Variants in CACNA2D1 observed in about 807,000 individuals in gnomAD.
CACNA2D1 encodes calcium voltage-gated channel auxiliary subunit alpha2delta 1.
A neutral mutation model predicts 171.5 loss-of-function variants in CACNA2D1; 53 were observed. The ratio of observed to expected loss-of-function variants is 0.31; its 90% CI spans 0.25 to 0.39. The LOEUF is 0.39. Ranked by LOEUF, CACNA2D1 falls within the 10% of genes least tolerant of loss-of-function variation. CACNA2D1 has a pLI of 1.00. For synonymous variants in CACNA2D1, 442 were observed against 443.1 expected (o/e 1.00, Z 0.03); for missense variants, 903 against 1,299.8 (o/e 0.69, Z 4.69).
At chr7:82,429,489 T>G (rs555912020) in intron 1 of CACNA2D1, among the ~76,000 whole-genome samples, 12 of 152,254 alleles carry the variant, frequency 7.9e-5, no homozygotes, top group African/African-American at 2.6e-4. Context: ...GCCAATTTAC[T>G]TCACATGTGG....
chr7:82,185,470 AGG>A (rs1190587135), intron 3 of CACNA2D1, among the ~76,000 whole-genome samples: 2 of 51,908 alleles, frequency 3.9e-5, no homozygotes, highest in African/African-American at 1.3e-4. Flanking sequence ...CAAAAAAGAG[AGG>A]GGGGGAGGGG....
intron 3 of CACNA2D1, among the ~76,000 whole-genome samples, chr7:82,308,651 C>T (rs1283360159): frequency 6.6e-6 from 1 of 152,218 alleles, no homozygotes; most frequent in Non-Finnish European, 1.5e-5. Context: ...GAATCTCCCT[C>T]TCTACACCAA....
Position 82,038,167 on chromosome 7 carries a change from T to C in CACNA2D1, c.948A>G (p.Lys316=), listed in dbSNP as rs1803534131. Reference sequence around the variant, plus strand: ...TATTATTCACCGCGTCTTTCAACACTTTTTTATTTCTTACATTTGCTTGGA... The same window carrying C: ...TATTATTCACCGCGTCTTTCAACACCTTTTTATTTCTTACATTTGCTTGGA... ...HLVQANVRNK[K]VLKDAVNNIT... Residue 316 remains lysine, a synonymous_variant, in exon 11 of 39, where the codon AAA becomes AAG. Transcript: ENST00000356860. The C allele has an allele frequency of 6.2e-7, 1 of 1,613,604 alleles. No individual in the cohort carries two copies. Among genetic ancestry groups the C allele is most frequent in the African/African-American group, 1.3e-5 (1 of 75,040 alleles).
chr7:81,987,041 A>AT (rs1259937970), intron 21 of CACNA2D1, among the ~76,000 whole-genome samples: 1 of 152,212 alleles, frequency 6.6e-6, no homozygotes, highest in African/African-American at 2.4e-5. Context: ...TACATCTAAT[A>AT]TACCATAAAT....
At chr7:82,124,265 C>A (rs1243250894) in intron 5 of CACNA2D1, among the ~76,000 whole-genome samples, 1 of 152,112 alleles carries the variant, frequency 6.6e-6, no homozygotes, top group Non-Finnish European at 1.5e-5. Context: ...AAGGAAAACT[C>A]AACTTTCCAC....
At chr7:82,189,310 TAG>T (rs1256343910) in intron 3 of CACNA2D1, among the ~76,000 whole-genome samples, 1 of 151,946 alleles carries the variant, frequency 6.6e-6, no homozygotes, top group Admixed American at 6.6e-5. Flanking sequence ...CAAGCAGTAA[TAG>T]AGACTCATGT....
At chr7:82,094,661 A>G (rs905279502) in intron 6 of CACNA2D1, among the ~76,000 whole-genome samples, 1 of 152,162 alleles carries the variant, frequency 6.6e-6, no homozygotes, top group African/African-American at 2.4e-5. Context: ...TTCATTCACA[A>G]CTCAATATCC....
intron 1 of CACNA2D1, among the ~76,000 whole-genome samples, chr7:82,384,627 T>G (rs1361602786): frequency 6.8e-6 from 1 of 147,686 alleles, no homozygotes; most frequent in Admixed American, 6.7e-5. Flanking sequence ...GGAGGAAAAG[T>G]GAAGTGAAGA....
chr7:82,036,665 C>T (rs1803320613), intron 11 of CACNA2D1, among the ~76,000 whole-genome samples: 1 of 152,082 alleles, frequency 6.6e-6, no homozygotes, highest in Admixed American at 6.6e-5. Context: ...TCTATAATTC[C>T]AGCACCAGCA....
intron 1 of CACNA2D1, among the ~76,000 whole-genome samples, chr7:82,423,294 T>G (rs1189059409): frequency 1.3e-5 from 2 of 152,124 alleles, no homozygotes; most frequent in African/African-American, 4.8e-5. Flanking sequence ...ATCTTCATTC[T>G]TGGAAATAAA....
chr7:81,983,407 CAA>C, intron 22 of CACNA2D1, 73 bp from the exon 23 acceptor site: 1 of 1,090,810 alleles, frequency 9.2e-7, no homozygotes, highest in Non-Finnish European at 1.4e-6. Flanking sequence ...GGGTCATAAA[CAA>C]TATTTTATTC....
rs80133211 is a variant in CACNA2D1, at chr7:82,419,211, A to G, written c.95+24154T>C. ...ATTTTACTGTTTTGGGGTCTCTGTA[A>G]TTGTACCTCTCTGAAAAAAGCCAAG... On this transcript the variant is annotated intron_variant, in intron 1 of 38. Coordinates refer to ENST00000356860, the MANE Select transcript of CACNA2D1 (RefSeq NM_000722.4). Among the ~76,000 whole-genome samples the G allele has an allele frequency of 2.9e-3, 443 of 152,232 alleles. 3 individuals are homozygous for G. Among genetic ancestry groups the G allele is most frequent in the African/African-American group, 0.01 (418 of 41,530 alleles).
chr7:82,321,201 C>G (rs1815803685), intron 3 of CACNA2D1, among the ~76,000 whole-genome samples: 1 of 151,986 alleles, frequency 6.6e-6, no homozygotes, highest in African/African-American at 2.4e-5. Context: ...GAGTTCAAGA[C>G]CAGCCTGGCC....
At chr7:82,437,388 A>C (rs1370113043) in intron 1 of CACNA2D1, among the ~76,000 whole-genome samples, 1 of 152,152 alleles carries the variant, frequency 6.6e-6, no homozygotes, top group East Asian at 1.9e-4. Flanking sequence ...CCAAATCTGA[A>C]GCATTTAAAA....
intron 1 of CACNA2D1, among the ~76,000 whole-genome samples, chr7:82,408,911 C>T (rs1827352430): frequency 6.6e-6 from 1 of 152,106 alleles, no homozygotes; most frequent in Non-Finnish European, 1.5e-5. Flanking sequence ...GATACTAAAG[C>T]TTTAAGAGAA....
chr7:82,190,457 T>TGAG (rs946605584), intron 3 of CACNA2D1, among the ~76,000 whole-genome samples: 2 of 151,920 alleles, frequency 1.3e-5, no homozygotes, highest in African/African-American at 4.8e-5. Context: ...GGCTACCTAA[T>TGAG]GAGGATTCAG....
intron 3 of CACNA2D1, among the ~76,000 whole-genome samples, chr7:82,216,784 A>G (rs991876060): frequency 2.0e-5 from 3 of 152,026 alleles, no homozygotes; most frequent in Non-Finnish European, 4.4e-5. Context: ...CGTCCTAGAT[A>G]GCAAAGAAAC....
At chr7:82,420,176 T>C (rs1297593019) in intron 1 of CACNA2D1, among the ~76,000 whole-genome samples, 4 of 152,226 alleles carry the variant, frequency 2.6e-5, no homozygotes, top group African/African-American at 9.6e-5. Flanking sequence ...TTAATAGTTA[T>C]GTTCAGTCAA....
intron 3 of CACNA2D1, among the ~76,000 whole-genome samples, chr7:82,183,136 T>C (rs776075459): frequency 1.3e-5 from 2 of 152,074 alleles, no homozygotes; most frequent in African/African-American, 4.8e-5. Flanking sequence ...GTTTATTTTA[T>C]CAGTAAGGAC....
Sources: allele counts gnomAD v4.1 joint callset (sites outside exome capture counted in the v4.1 genomes callset), GRCh38; gene constraint gnomAD v4.1.1; transcripts MANE v1.5; gene names NCBI Gene and HGNC (gene_info 2026-07-23, HGNC 2026-07-21).